FLI1: variants seen among roughly 807,000 people sequenced by gnomAD.
FLI1 encodes the protein Friend leukemia integration 1 transcription factor.
Under a neutral mutation model 53.1 loss-of-function variants are expected in FLI1, and 13 were observed. The observed-to-expected ratio is 0.24, with a 90% CI of 0.16 to 0.39. The LOEUF is 0.39. Ranked by LOEUF, FLI1 falls within the 10% of genes least tolerant of loss-of-function variation. The probability of loss-of-function intolerance (pLI) is 1.00; values close to 1 mark genes in which losing one functional copy is unlikely to be tolerated. For missense variants in FLI1, 424 were observed against 600.5 expected (o/e 0.71, Z 3.07); for synonymous variants, 244 against 236.7 (o/e 1.03, Z -0.28).
At chr11:128,808,039 G>A (rs529906423) in intron 7 of FLI1, among the ~76,000 whole-genome samples, 25 of 152,290 alleles carry the variant, frequency 1.6e-4, no homozygotes, top group Middle Eastern at 3.4e-3. Context: ...AGAAGGCAGA[G>A]CAAGAGAAAA....
intron 1 of FLI1, among the ~76,000 whole-genome samples, chr11:128,731,109 G>A (rs989082469): frequency 2.0e-5 from 3 of 152,244 alleles, no homozygotes; most frequent in Admixed American, 2.0e-4. Flanking sequence ...GTTCAATGTG[G>A]CTATATATAG....
intron 5 of FLI1, among the ~76,000 whole-genome samples, chr11:128,798,695 C>T (rs1470498310): frequency 6.6e-6 from 1 of 152,178 alleles, no homozygotes; most frequent in Non-Finnish European, 1.5e-5. Flanking sequence ...GGATATTTTC[C>T]TCCTTCCAAG....
intron 1 of FLI1, among the ~76,000 whole-genome samples, chr11:128,743,170 C>T (rs914802759): frequency 6.6e-6 from 1 of 152,110 alleles, no homozygotes; most frequent in African/African-American, 2.4e-5. Flanking sequence ...AGAGGACCAC[C>T]TGAAGCAAGG....
At chr11:128,748,688 T>C (rs1177140561) in intron 1 of FLI1, among the ~76,000 whole-genome samples, 3 of 151,424 alleles carry the variant, frequency 2.0e-5, no homozygotes, top group Non-Finnish European at 4.4e-5. Flanking sequence ...TGAAGCTCTG[T>C]GGCAGATTTG....
chr11:128,699,034 G>A (rs1938209605), intron 1 of FLI1, among the ~76,000 whole-genome samples: 2 of 152,142 alleles, frequency 1.3e-5, no homozygotes, highest in South Asian at 2.1e-4. Flanking sequence ...ACAGATCATG[G>A]GCAGGTAGAC....
intron 1 of FLI1, among the ~76,000 whole-genome samples, chr11:128,700,916 G>A (rs1366886208): frequency 6.6e-6 from 1 of 152,130 alleles, no homozygotes; most frequent in Non-Finnish European, 1.5e-5. Context: ...TAGAAAGGAG[G>A]AATGAAAACT....
rs374459474 is a variant in FLI1, at chr11:128,810,697, T to G, written c.1068T>G (p.Tyr356Ter). 1 of 1,614,048 alleles carries G rather than the reference T, an allele frequency of 6.2e-7. No individual in the cohort carries two copies. Among genetic ancestry groups the G allele is most frequent in the Non-Finnish European group, 8.5e-7 (1 of 1,179,904 alleles). The change falls in exon 9 of 9, where the codon TAT (tyrosine) becomes TAG (stop). Residue 356 changes from tyrosine (Y) to a stop codon, truncating the protein, a stop_gained. Coordinates refer to ENST00000527786, the MANE Select transcript of FLI1 (RefSeq NM_002017.5). LOFTEE classifies it high-confidence loss of function. This position sits in a 1 kb window ranked among gnomAD's most constrained non-coding sequence, Gnocchi z 6.6. ...TGACCAAAGTGCACGGCAAAAGATA[T>G]GCTTACAAATTTGACTTCCACGGCA... ...NIMTKVHGKR[Y>*]AYKFDFHGIA...
intron 5 of FLI1, among the ~76,000 whole-genome samples, chr11:128,786,411 T>C (rs1254725400): frequency 6.6e-6 from 1 of 152,256 alleles, no homozygotes; most frequent in African/African-American, 2.4e-5. Context: ...ATGATGTTAC[T>C]GATTTAGACA....
chr11:128,687,356 C>T (rs929807559), intron 1 of FLI1, among the ~76,000 whole-genome samples: 3 of 152,116 alleles, frequency 2.0e-5, no homozygotes, highest in African/African-American at 7.2e-5. Flanking sequence ...TGAAAATCCG[C>T]TGGCTGGGTG....
In FLI1 at chr11:128,749,420, G is replaced by A. The variant is rs918579666; in HGVS notation, c.19-8695G>A. Reference sequence around the variant, plus strand: ...GCTGTGGCCTCGGTTCCTCTCCTGCGGGCCTCTCCATACGGTTGCTCAGCT... The same window carrying A: ...GCTGTGGCCTCGGTTCCTCTCCTGCAGGCCTCTCCATACGGTTGCTCAGCT... On this transcript the variant is annotated intron_variant, in intron 1 of 8. Coordinates refer to ENST00000527786, the MANE Select transcript of FLI1 (RefSeq NM_002017.5). Among the ~76,000 whole-genome samples, 3 of 152,114 alleles carry A rather than the reference G, an allele frequency of 2.0e-5. 1 individual carries two copies. Among genetic ancestry groups the A allele is most frequent in the Admixed American group, 6.5e-5 (1 of 15,280 alleles).
rs989836124 is a variant in FLI1, at chr11:128,797,132, C to T, written c.656-8234C>T. 3.9e-5 allele frequency among the ~76,000 whole-genome samples: 6 copies of T among 152,228 alleles called. No individual in the cohort carries two copies. In the South Asian group the frequency reaches 6.2e-4, roughly 16 times the overall value. The stretch of plus-strand genomic sequence containing the variant: ...AATCATGGGAATTGTTGGGATTTTA[C>T]GTTTCTTGATTTGAATGGCCGTTCT... On this transcript the variant is annotated intron_variant, in intron 5 of 8. Coordinates refer to ENST00000527786, the MANE Select transcript of FLI1 (RefSeq NM_002017.5).
chr11:128,753,884 GC>G (rs1435704164), intron 1 of FLI1, among the ~76,000 whole-genome samples: 1 of 151,468 alleles, frequency 6.6e-6, no homozygotes, highest in African/African-American at 2.4e-5. Flanking sequence ...CAGTGTACTT[GC>G]CAAGGGCATG....
chr11:128,782,809 CA>C (rs1941960635), intron 5 of FLI1, among the ~76,000 whole-genome samples: 2 of 152,136 alleles, frequency 1.3e-5, no homozygotes, highest in Admixed American at 6.5e-5. Context: ...TGATTTTTGC[CA>C]GTGAAGATTT....
intron 1 of FLI1, among the ~76,000 whole-genome samples, chr11:128,738,485 G>A (rs1939997855): frequency 6.6e-6 from 1 of 152,154 alleles, no homozygotes; most frequent in South Asian, 2.1e-4. Flanking sequence ...CAAGTTCAAG[G>A]CCCCTTTGAT....
In FLI1 at chr11:128,743,559, A is replaced by G. The variant is rs114782197; in HGVS notation, c.19-14556A>G. On this transcript the variant is annotated intron_variant, in intron 1 of 8. Transcript: ENST00000527786. ...TGTCCACCTGGTAGGTTAATTATCC[A>G]TTTCCCACAAGTTTTTATAATGTGG... Among the ~76,000 whole-genome samples, 1,184 of 151,066 alleles carry G rather than the reference A, an allele frequency of 7.8e-3. 7 individuals carry two copies. The highest frequency in any genetic ancestry group is 0.026 in the African/African-American group (1,093 of 41,266).
chr11:128,811,845 A>G lies in FLI1; in HGVS notation c.*857A>G. ...AGGCAACTTACTGTATAAATTATGC[A>G]GAGTTATTTTCCTATATCTCACAGT... On this transcript the variant is annotated 3_prime_UTR_variant, in exon 9 of 9. Transcript: ENST00000527786. The G allele has an allele frequency of 5.0e-6, 1 of 200,162 alleles. No individual in the cohort carries two copies. The highest frequency in any genetic ancestry group is 1.0e-5 in the Non-Finnish European group (1 of 96,788). 12.4% of individuals were successfully genotyped at this position (200,162 alleles called of 1,614,324 possible).
At chr11:128,707,643 C>A (rs558426698) in intron 1 of FLI1, among the ~76,000 whole-genome samples, 91 of 152,204 alleles carry the variant, frequency 6.0e-4, no homozygotes, top group Non-Finnish European at 9.1e-4. Context: ...TACCATGGCT[C>A]CCCCTCCCTG....
chr11:128,701,355 A>T (rs2135702260), intron 1 of FLI1, among the ~76,000 whole-genome samples: 1 of 152,306 alleles, frequency 6.6e-6, no homozygotes, highest in South Asian at 2.1e-4. Context: ...TCTAAAACTC[A>T]AATCAAATTT....
chr11:128,699,578 T>A (rs1322263494), intron 1 of FLI1, among the ~76,000 whole-genome samples: 1 of 152,204 alleles, frequency 6.6e-6, no homozygotes, highest in Non-Finnish European at 1.5e-5. Flanking sequence ...GACTACACCC[T>A]GTTTCAATTT....
Sources: allele counts gnomAD v4.1 joint callset (sites outside exome capture counted in the v4.1 genomes callset), GRCh38; gene constraint gnomAD v4.1.1; non-coding constraint Gnocchi (gnomAD v3.1); transcripts MANE v1.5; gene names NCBI Gene and HGNC (gene_info 2026-07-23, HGNC 2026-07-21).